Variants in KCNH8 observed in about 807,000 individuals in gnomAD.
KCNH8 encodes voltage-gated delayed rectifier potassium channel KCNH8.
A neutral mutation model predicts 103.6 loss-of-function variants in KCNH8; 70 were observed. The observed-to-expected ratio is 0.68, with a 90% CI of 0.56 to 0.82. KCNH8 has a LOEUF of 0.82. KCNH8 is among the 40% of genes least tolerant of loss of function. The probability of loss-of-function intolerance (pLI) is 0.00; values close to 1 mark genes in which losing one functional copy is unlikely to be tolerated. For synonymous variants in KCNH8, 498 were observed against 489.4 expected (o/e 1.02, Z -0.23); for missense variants, 1,217 against 1,329.9 (o/e 0.92, Z 1.32).
At chr3:19,381,890 T>C (rs1161035020) in intron 5 of KCNH8, among the ~76,000 whole-genome samples, 3 of 152,134 alleles carry the variant, frequency 2.0e-5, no homozygotes, top group Non-Finnish European at 4.4e-5. Context: ...TGGACATACA[T>C]ACCATACTGA....
At chr3:19,426,847 A>G (rs549614997) in intron 7 of KCNH8, among the ~76,000 whole-genome samples, 2 of 152,130 alleles carry the variant, frequency 1.3e-5, no homozygotes, top group African/African-American at 4.8e-5. Flanking sequence ...CTTTCATTCT[A>G]TACGTTTGCT....
intron 7 of KCNH8, among the ~76,000 whole-genome samples, chr3:19,420,623 G>T (rs575267372): frequency 6.6e-6 from 1 of 152,190 alleles, no homozygotes; most frequent in Non-Finnish European, 1.5e-5. Flanking sequence ...CCACTCAGGA[G>T]TAATCCATAA....
intron 3 of KCNH8, among the ~76,000 whole-genome samples, chr3:19,285,750 A>G (rs964668710): frequency 6.6e-6 from 1 of 151,854 alleles, no homozygotes; most frequent in Non-Finnish European, 1.5e-5. Context: ...ATGCAGCCCA[A>G]CCTCAGAGCC....
intron 3 of KCNH8, among the ~76,000 whole-genome samples, chr3:19,299,886 A>G (rs1316156282): frequency 1.3e-5 from 2 of 152,018 alleles, no homozygotes; most frequent in Admixed American, 1.3e-4. Flanking sequence ...TATTATTTTA[A>G]TATTTTAGTG....
At chr3:19,443,781 A>G (rs2067318601) in intron 8 of KCNH8, among the ~76,000 whole-genome samples, 1 of 152,020 alleles carries the variant, frequency 6.6e-6, no homozygotes, top group Non-Finnish European at 1.5e-5. Flanking sequence ...AACAAATTAG[A>G]AATAAAATAT....
rs57661437 is a variant in KCNH8 at position 19,260,487 on chromosome 3, G to GATAT, written c.310+6644_310+6647dup. 4.5e-3 allele frequency among the ~76,000 whole-genome samples: 181 copies of GATAT among 40,022 alleles called. 8 individuals carry two copies. Among genetic ancestry groups the GATAT allele is most frequent in the Non-Finnish European group, 6.9e-3 (122 of 17,628 alleles). The allele number at this position is 40,022 out of a possible 152,430, so 26.3% of individuals were successfully genotyped here. A position where few individuals can be genotyped will look rare whatever the true frequency, so the allele number is the denominator to read the frequency against. On this transcript the variant is annotated intron_variant, in intron 2 of 15. Transcript: ENST00000328405. ...ATTTAATATATGTATTACTCTATAG[G>GATAT]ATATATATATATATATATATATATA...
At chr3:19,488,961 T>C (rs749403076) in intron 11 of KCNH8, among the ~76,000 whole-genome samples, 2 of 152,182 alleles carry the variant, frequency 1.3e-5, no homozygotes, top group Non-Finnish European at 2.9e-5. Context: ...GGTGGAGTAT[T>C]ATTTTTCCAA....
intron 11 of KCNH8, among the ~76,000 whole-genome samples, chr3:19,495,250 T>C (rs1159250838): frequency 6.6e-6 from 1 of 152,214 alleles, no homozygotes; most frequent in Non-Finnish European, 1.5e-5. Flanking sequence ...TTTTGGCATC[T>C]TTTTCGTGAA....
chr3:19,150,660 G>A (rs2063119932), intron 1 of KCNH8, among the ~76,000 whole-genome samples: 1 of 152,166 alleles, frequency 6.6e-6, no homozygotes, highest in Non-Finnish European at 1.5e-5. Context: ...GGATGTACTT[G>A]TGAATAGTTC....
chr3:19,246,257 G>GT (rs758762349), intron 1 of KCNH8, among the ~76,000 whole-genome samples: 4 of 130,016 alleles, frequency 3.1e-5, no homozygotes, highest in Admixed American at 1.5e-4. Context: ...ACTTTAAGAA[G>GT]TTTTTTTGTT....
intron 7 of KCNH8, among the ~76,000 whole-genome samples, chr3:19,400,783 A>AC (rs1229266322): frequency 6.6e-6 from 1 of 151,862 alleles, no homozygotes; most frequent in Non-Finnish European, 1.5e-5. Context: ...CTAGTTATTA[A>AC]CTACTTAGCA....
At chr3:19,402,719 G>A (rs2066631632) in intron 7 of KCNH8, among the ~76,000 whole-genome samples, 1 of 151,894 alleles carries the variant, frequency 6.6e-6, no homozygotes, top group Non-Finnish European at 1.5e-5. Flanking sequence ...GTGAATGGAT[G>A]CAGGAATAAG....
chr3:19,165,558 G>GT (rs1338429357), intron 1 of KCNH8, among the ~76,000 whole-genome samples: 3 of 152,064 alleles, frequency 2.0e-5, no homozygotes, highest in African/African-American at 7.2e-5. Flanking sequence ...TACTCCTTAG[G>GT]TAAAAACAGC....
chr3:19,272,134 T>C (rs2064597352), intron 2 of KCNH8, among the ~76,000 whole-genome samples: 1 of 152,028 alleles, frequency 6.6e-6, no homozygotes. Flanking sequence ...ATTCATCAAA[T>C]CAAGATTAAA....
intron 15 of KCNH8, among the ~76,000 whole-genome samples, chr3:19,532,002 A>T (rs2069170195): frequency 6.6e-6 from 1 of 152,230 alleles, no homozygotes; most frequent in East Asian, 1.9e-4. Flanking sequence ...CTAACCAAAG[A>T]CTAGAAAATA....
chr3:19,324,985 C>G (rs899098291), intron 3 of KCNH8, among the ~76,000 whole-genome samples: 1 of 152,088 alleles, frequency 6.6e-6, no homozygotes, highest in African/African-American at 2.4e-5. Context: ...GATGTAAGAA[C>G]AGACAAATAG....
At chr3:19,402,429 A>G (rs1240866270) in intron 7 of KCNH8, among the ~76,000 whole-genome samples, 2 of 151,910 alleles carry the variant, frequency 1.3e-5, no homozygotes, top group African/African-American at 4.8e-5. Context: ...AAATGGAGAT[A>G]AAAATGCCTA....
In KCNH8 at chr3:19,419,345, G is replaced by A. The variant is rs1479528484; in HGVS notation, c.1178-18819G>A. 3.1e-4 allele frequency among the ~76,000 whole-genome samples: 47 copies of A among 151,140 alleles called. 1 individual carries two copies. The highest frequency in any genetic ancestry group is 1.1e-3 in the African/African-American group (45 of 41,212). ...CTCCCGAGTAGCTGGGACTACAGGC[G>A]CCCGCCACCACGCCCGGCTAATTTT... On this transcript the variant is annotated intron_variant, in intron 7 of 15. Coordinates refer to ENST00000328405, the MANE Select transcript of KCNH8 (RefSeq NM_144633.3).
rs149720243 is a variant in KCNH8, at chr3:19,209,775, T to G, written c.77-43879T>G. Among the ~76,000 whole-genome samples the G allele has an allele frequency of 3.6e-3, 555 of 152,172 alleles. 13 individuals carry two copies. Among genetic ancestry groups the G allele is most frequent in the Admixed American group, 0.027 (409 of 15,238 alleles). On this transcript the variant is annotated intron_variant, in intron 1 of 15. Transcript: ENST00000328405. ...GGAGGCACTGCCTGTTCACTCCATT[T>G]GCCAAGAAGAGAATTCAGACAGGAT... is the stretch of plus-strand genomic sequence containing the variant.
Sources: allele counts gnomAD v4.1 joint callset (sites outside exome capture counted in the v4.1 genomes callset), GRCh38; gene constraint gnomAD v4.1.1; transcripts MANE v1.5; gene names NCBI Gene and HGNC (gene_info 2026-07-23, HGNC 2026-07-21).